The following PCDHGB2 variants were observed in gnomAD, a reference collection of about 807,000 sequenced individuals.
PCDHGB2 encodes the protein protocadherin gamma-B2.
In PCDHGB2, 55 loss-of-function variants were observed where a neutral mutation model predicts 59.3. The observed-to-expected ratio is 0.93, with a 90% confidence interval of 0.75 to 1.16. The LOEUF (loss-of-function observed/expected upper bound fraction) is 1.16, where lower values mean the gene tolerates loss of function less well. Among genes scored for constraint, PCDHGB2 ranks in the 50% most tolerant of loss-of-function variants. The pLI is 0.00. For missense variants in PCDHGB2, 1,228 were observed against 1,198.5 expected (o/e 1.02, Z -0.36); for synonymous variants, 516 against 512.0 (o/e 1.01, Z -0.11).
intron 3 of PCDHGB2, 85 bp from the exon 4 acceptor site, chr5:141,510,862 C>A: frequency 6.2e-7 from 1 of 1,606,772 alleles, no homozygotes. Context: ...GCTGTATAGG[C>A]ATTCATTAAC....
At chr5:141,372,516 A>C in intron 1 of PCDHGB2, 1 of 1,613,902 alleles carries the variant, frequency 6.2e-7, no homozygotes, top group Non-Finnish European at 8.5e-7. Context: ...CCTCGCGGTG[A>C]TTCTGGCAAT....
intron 1 of PCDHGB2, chr5:141,411,948 G>A (rs2095525022): frequency 1.3e-5 from 2 of 152,152 alleles, no homozygotes. Flanking sequence ...GAAGATTTTT[G>A]AAGAAAAAAG....
intron 1 of PCDHGB2, chr5:141,395,547 TGTGTGTGTGTGTGTGTGTGTGTGTG>T: frequency 5.8e-6 from 1 of 173,894 alleles, no homozygotes; most frequent in Admixed American, 6.5e-5. Context: ...ATTGTTTGTG[TGTGTGTGTGTGTGTGTGTGTGTGTG>T]TGTGTGTGTG....
intron 1 of PCDHGB2, among the ~76,000 whole-genome samples, chr5:141,479,992 G>A (rs1336315766): frequency 6.6e-6 from 1 of 152,204 alleles, no homozygotes; most frequent in Non-Finnish European, 1.5e-5. Context: ...CCAACTAGGA[G>A]TCTGTGGCCA....
intron 1 of PCDHGB2, chr5:141,419,658 A>C: frequency 1.9e-6 from 3 of 1,612,782 alleles, no homozygotes; most frequent in Non-Finnish European, 2.5e-6. Context: ...GACTCGGGGC[A>C]CAATGCCTGG....
intron 1 of PCDHGB2, among the ~76,000 whole-genome samples, chr5:141,475,339 T>C (rs1295364417): frequency 1.3e-5 from 2 of 152,188 alleles, no homozygotes; most frequent in Non-Finnish European, 2.9e-5. Flanking sequence ...AACAATGACA[T>C]CCAGTTTTAA....
chr5:141,385,276 A>G (rs1315773619), intron 1 of PCDHGB2: 1 of 1,613,564 alleles, frequency 6.2e-7, no homozygotes, highest in Admixed American at 1.7e-5. Flanking sequence ...TTCTTTGCTA[A>G]CATCCGTAGA....
intron 1 of PCDHGB2, among the ~76,000 whole-genome samples, chr5:141,459,968 C>T (rs1260233942): frequency 1.3e-5 from 2 of 152,190 alleles, no homozygotes; most frequent in East Asian, 3.8e-4. Context: ...ATCCCAGCTA[C>T]TCAGGAGGCT....
Position 141,485,365 on chromosome 5 carries a change from G to A in PCDHGB2, c.2422-9442G>A. 1 of 1,614,120 alleles carries A rather than the reference G, an allele frequency of 6.2e-7. No homozygotes were observed. Among genetic ancestry groups the A allele is most frequent in the Admixed American group, 1.7e-5 (1 of 60,018 alleles). ...CGGACAGTCTGTCAGCTCGCAGGCT[G>A]CAGGTCGCTGGAGAGGTGAACCAAA... On this transcript the variant is annotated intron_variant, in intron 1 of 3. Transcript: ENST00000522605. The surrounding 1 kb of genome is among the most constrained non-coding windows in gnomAD (Gnocchi z 5.7).
chr5:141,397,047 G>T (rs180929307), intron 1 of PCDHGB2, among the ~76,000 whole-genome samples: 4 of 152,276 alleles, frequency 2.6e-5, no homozygotes, highest in Admixed American at 2.0e-4. Flanking sequence ...TTATGTAAAT[G>T]AACTTATGAG....
chr5:141,418,875 A>G (rs2097697666), intron 1 of PCDHGB2: 1 of 1,613,926 alleles, frequency 6.2e-7, no homozygotes, highest in African/African-American at 1.3e-5. Flanking sequence ...GAAGTTGTAG[A>G]CGAAAACGAC....
intron 1 of PCDHGB2, among the ~76,000 whole-genome samples, chr5:141,446,322 C>A (rs1561922470): frequency 2.0e-5 from 3 of 151,968 alleles, no homozygotes; most frequent in South Asian, 4.1e-4. Flanking sequence ...TGGGTTTCCA[C>A]ATTAAGGAAC....
At position 141,457,041 on chromosome 5, in the gene PCDHGB2, A is replaced by T. The variant is rs151212070; in HGVS notation, c.2422-37766A>T. On this transcript the variant is annotated intron_variant, in intron 1 of 3. Transcript: ENST00000522605. ...AAGTCCTAGTAGACTCAGTGATAGT[A>T]AAACTTTCATGCTTCCTTTTTGCCA... 2.3e-4 allele frequency among the ~76,000 whole-genome samples: 35 copies of T among 152,360 alleles called. No individual in the cohort carries two copies. In the East Asian group the frequency reaches 6.4e-3, roughly 28 times the overall value.
intron 1 of PCDHGB2, among the ~76,000 whole-genome samples, chr5:141,454,657 C>T (rs554561906): frequency 5.1e-4 from 77 of 152,192 alleles, no homozygotes; most frequent in African/African-American, 1.7e-3. Flanking sequence ...CTGCCCACCT[C>T]GGCCTCCCAA....
At chr5:141,481,913 CAAA>C (rs34114744) in intron 1 of PCDHGB2, among the ~76,000 whole-genome samples, 50 of 90,788 alleles carry the variant, frequency 5.5e-4, no homozygotes, top group African/African-American at 7.1e-4. Flanking sequence ...AACTCCATCT[CAAA>C]AAAAAAAAAA....
In PCDHGB2 at chr5:141,487,086, TCCCACCACAGAAG is replaced by T. The variant is rs2099639456; in HGVS notation, c.2422-7719_2422-7707del. 6.2e-7 allele frequency: 1 copy of T among 1,613,822 alleles called. No homozygotes were observed. ...ACGGCTGTTCCTATCCCAGCTGACC[TCCCACCACAGAAG>T]CTGGTCATTGTGGTAAAGGATAGTG... On this transcript the variant is annotated intron_variant, in intron 1 of 3. Coordinates refer to ENST00000522605, the MANE Select transcript of PCDHGB2 (RefSeq NM_018923.3). The surrounding 1 kb of genome is among the most constrained non-coding windows in gnomAD (Gnocchi z 5.0).
In PCDHGB2 at chr5:141,493,164, T is replaced by C. The variant is rs558860783; in HGVS notation, c.2422-1643T>C. Among the ~76,000 whole-genome samples the C allele has an allele frequency of 4.6e-5, 7 of 152,340 alleles. 1 individual carries two copies. The South Asian group carries it at 1.2e-3, about 27-fold the overall frequency. On this transcript the variant is annotated intron_variant, in intron 1 of 3. Coordinates refer to ENST00000522605, the MANE Select transcript of PCDHGB2 (RefSeq NM_018923.3). The surrounding 1 kb of genome is among the most constrained non-coding windows in gnomAD (Gnocchi z 4.3). Reference sequence around the variant, plus strand: ...ACCCCCAGGTGATTTTGATAGCTGATTGAGAGAAACTTACTATATAACTCC... The same window carrying C: ...ACCCCCAGGTGATTTTGATAGCTGACTGAGAGAAACTTACTATATAACTCC...
Position 141,490,563 on chromosome 5 carries a change from G to C in PCDHGB2, c.2422-4244G>C. On this transcript the variant is annotated intron_variant, in intron 1 of 3. Coordinates refer to ENST00000522605, the MANE Select transcript of PCDHGB2 (RefSeq NM_018923.3). This position sits in a 1 kb window ranked among gnomAD's most constrained non-coding sequence, Gnocchi z 5.4. ...CCCTACACAAACATCTCACCATCAG[G>C]CTCAACATTTCAGATGTCAATGACA... 1 of 1,614,022 alleles carries C rather than the reference G, an allele frequency of 6.2e-7. No individual in the cohort carries two copies. Among genetic ancestry groups the C allele is most frequent in the Non-Finnish European group, 8.5e-7 (1 of 1,180,008 alleles).
Position 141,360,081 on chromosome 5 carries a change from C to T in PCDHGB2, c.-55C>T. The T allele has an allele frequency of 4.0e-6, 6 of 1,486,284 alleles. No individual in the cohort carries two copies. The highest frequency in any genetic ancestry group is 2.5e-5 in the Admixed American group (1 of 39,836). The allele number at this position is 1,486,284 out of a possible 1,614,324, so 92.1% of individuals were successfully genotyped here. A position where few individuals can be genotyped will look rare whatever the true frequency, so the allele number is the denominator to read the frequency against. ...AAAAGTGACCTTAGCCCGGATTCTG[C>T]CATCCCCGGAAGGCTTATTCCTCCT... is the stretch of plus-strand genomic sequence containing the variant. On this transcript the variant is annotated 5_prime_UTR_variant, in exon 1 of 4. Transcript: ENST00000522605.
Sources: gnomAD v4.1 joint callset for allele counts (sites outside exome capture counted in the v4.1 genomes callset) on GRCh38, gnomAD v4.1.1 for gene constraint, Gnocchi (gnomAD v3.1) non-coding constraint, MANE v1.5 for transcripts, NCBI Gene and HGNC (gene_info 2026-07-23, HGNC 2026-07-21) for gene names.